Variants in ABCC8 observed in about 807,000 individuals in gnomAD.
The protein encoded by ABCC8 is ATP-binding cassette sub-family C member 8.
ABCC8 carries 137 observed loss-of-function variants against 188.0 expected under a neutral mutation model. That is an observed-to-expected ratio of 0.73 (90% CI 0.63 to 0.84). The LOEUF is 0.84. ABCC8 is among the 40% of genes least tolerant of loss of function. The pLI is 0.00. For synonymous variants in ABCC8, 797 were observed against 846.5 expected, an observed-to-expected ratio of 0.94 and a Z score of 1.01; for missense variants, 1,750 against 2,072.7, an observed-to-expected ratio of 0.84 and a Z score of 3.02.
intron 14 of ABCC8, 149 bp from the exon 15 acceptor site, chr11:17,428,091 G>C (rs1242604002): frequency 3.8e-6 from 6 of 1,579,364 alleles, no homozygotes; most frequent in Non-Finnish European, 5.2e-6. Context: ...TGGGAGACTG[G>C]CCTTCTCATG....
chr11:17,475,178 C>G (rs958086549), intron 1 of ABCC8, 151 bp from the exon 2 acceptor site: 1 of 1,185,262 alleles, frequency 8.4e-7, no homozygotes, highest in Non-Finnish European at 1.2e-6. Context: ...ACAAACTAAA[C>G]GTCCAACTCA....
At chr11:17,399,592 T>C (rs963623417) in intron 29 of ABCC8, among the ~76,000 whole-genome samples, 2 of 152,192 alleles carry the variant, frequency 1.3e-5, no homozygotes, top group African/African-American at 4.8e-5. Context: ...GCTACTACCT[T>C]ACTATAAAGT....
chr11:17,463,514 C>A lies in ABCC8; in HGVS notation c.503G>T (p.Arg168Leu), dbSNP rs1002070797. The A allele has an allele frequency of 1.2e-6, 2 of 1,600,896 alleles. No homozygotes were observed. The highest frequency in any genetic ancestry group is 8.5e-7 in the Non-Finnish European group (1 of 1,174,124). ...LDHAIGFSQLRFCLTGLLVIL... is the reference protein window; with the variant it reads ...LDHAIGFSQLLFCLTGLLVIL... ...CACCAGCAGCCCTGTGAGGCAGAAG[C>A]GTAGCTGCGAGAAGCCGATGGCGTG... The change falls in exon 4 of 39, where the codon CGC (arginine) becomes CTC (leucine). Residue 168 changes from arginine to leucine, a missense_variant. By Grantham distance (102) the Arg-to-Leu change is moderately radical (BLOSUM62 -2). Coordinates refer to ENST00000389817, the MANE Select transcript of ABCC8 (RefSeq NM_000352.6).
intron 3 of ABCC8, among the ~76,000 whole-genome samples, chr11:17,468,206 TC>T (rs1848277242): frequency 6.6e-6 from 1 of 152,148 alleles, no homozygotes. Flanking sequence ...GATCCCACCT[TC>T]TACAGAAAGG....
At position 17,427,054 on chromosome 11, in the gene ABCC8, C is replaced by A. The variant is rs1331539684; in HGVS notation, c.2217G>T (p.Trp739Cys). The part of the protein sequence containing the change: ...EMQKVSGAVF[W>C]SSLPDSEIGE... ...CCTGAGGATACATGTATTACCTGCT[C>A]CAGAAGACAGCCCCTGAGACCTTCT... Residue 739 changes from tryptophan to cysteine, a missense_variant, in exon 16 of 39, where the codon TGG becomes TGT. Physicochemically the swap from Trp to Cys is radical, Grantham distance 215. Transcript: ENST00000389817. This position sits in a 1 kb window ranked among gnomAD's most constrained non-coding sequence, Gnocchi z 5.0. The A allele has an allele frequency of 2.6e-5, 42 of 1,613,754 alleles. No individual in the cohort carries two copies. The highest frequency in any genetic ancestry group is 3.4e-5 in the Non-Finnish European group (40 of 1,179,918).
intron 10 of ABCC8, among the ~76,000 whole-genome samples, chr11:17,441,147 T>A (rs1186906795): frequency 2.0e-5 from 3 of 151,966 alleles, no homozygotes; most frequent in Admixed American, 2.0e-4. Context: ...CTAATTCTAC[T>A]CCTTTCAGAG....
At chr11:17,407,998 C>T (rs1259093250) in intron 23 of ABCC8, among the ~76,000 whole-genome samples, 1 of 152,156 alleles carries the variant, frequency 6.6e-6, no homozygotes, top group Non-Finnish European at 1.5e-5. Flanking sequence ...ATGGGAGAAA[C>T]AGATTTCTGA....
intron 4 of ABCC8, among the ~76,000 whole-genome samples, chr11:17,463,124 CGAAGAAAGAAAGTAG>C (rs1451626259): frequency 1.3e-5 from 2 of 152,060 alleles, no homozygotes; most frequent in Non-Finnish European, 2.9e-5. Context: ...CCCCCACCCC[CGAAGAAAGAAAGTAG>C]GAGAGGCCAG....
intron 12 of ABCC8, chr11:17,430,420 G>A (rs1955791319): frequency 5.7e-6 from 2 of 347,924 alleles, no homozygotes; most frequent in South Asian, 4.7e-5. Context: ...TAGACACAGT[G>A]GATGCCTTCT....
At chr11:17,461,252 G>A (rs1243226683) in intron 5 of ABCC8, 1 of 424,190 alleles carries the variant, frequency 2.4e-6, no homozygotes, top group Non-Finnish European at 4.4e-6. Flanking sequence ...AACCTTTATA[G>A]TCAGTAAGCT....
chr11:17,471,849 T>C (rs1339755035), intron 2 of ABCC8, among the ~76,000 whole-genome samples: 2 of 152,236 alleles, frequency 1.3e-5, no homozygotes, highest in African/African-American at 4.8e-5. Flanking sequence ...CATTTCTTTT[T>C]TAATGAAATG....
intron 7 of ABCC8, among the ~76,000 whole-genome samples, chr11:17,451,163 A>T (rs1956801209): frequency 6.6e-6 from 1 of 152,160 alleles, no homozygotes; most frequent in African/African-American, 2.4e-5. Flanking sequence ...TGACATACAC[A>T]CATTAGTATA....
intron 33 of ABCC8, 48 bp downstream of exon 33, chr11:17,396,868 C>T (rs369232720): frequency 1.2e-6 from 2 of 1,608,746 alleles, no homozygotes; most frequent in Non-Finnish European, 1.7e-6. Context: ...ATGCCCCATC[C>T]CCTGCTCACG....
intron 8 of ABCC8, among the ~76,000 whole-genome samples, chr11:17,444,860 A>T (rs185508241): frequency 6.6e-6 from 1 of 152,190 alleles, no homozygotes; most frequent in Non-Finnish European, 1.5e-5. Flanking sequence ...AATGGTGATT[A>T]TAATGCCCAC....
intron 38 of ABCC8, 62 bp downstream of exon 38, chr11:17,393,635 G>A (rs539533237): frequency 1.1e-5 from 17 of 1,609,750 alleles, no homozygotes; most frequent in South Asian, 4.4e-5. Flanking sequence ...CACTGATGAC[G>A]GCCACAACAG....
At chr11:17,397,905 C>T (rs1049832143) in intron 30 of ABCC8, 108 bp from the exon 31 acceptor site, 2 of 1,532,928 alleles carry the variant, frequency 1.3e-6, no homozygotes, top group African/African-American at 1.4e-5. Flanking sequence ...GGCCTCCACT[C>T]CAGCCCTGCA....
At chr11:17,410,806 T>C (rs1056737097) in intron 21 of ABCC8, 153 bp from the exon 22 acceptor site, 2 of 777,336 alleles carry the variant, frequency 2.6e-6, no homozygotes, top group African/African-American at 3.8e-5. Flanking sequence ...ACCCAACCTC[T>C]CTGGGCCTTG....
intron 16 of ABCC8, among the ~76,000 whole-genome samples, chr11:17,418,771 T>C (rs996952478): frequency 6.6e-6 from 1 of 152,218 alleles, no homozygotes; most frequent in African/African-American, 2.4e-5. Context: ...CCCGTGTAAT[T>C]TGTTCATCCC....
At chr11:17,434,042 G>A (rs1214259246) in intron 10 of ABCC8, among the ~76,000 whole-genome samples, 10 of 152,166 alleles carry the variant, frequency 6.6e-5, no homozygotes, top group Admixed American at 6.5e-4. Flanking sequence ...AGGAGGAGAG[G>A]GAGGAGGATG....
Sources: allele counts gnomAD v4.1 joint callset (sites outside exome capture counted in the v4.1 genomes callset), GRCh38; gene constraint gnomAD v4.1.1; non-coding constraint Gnocchi (gnomAD v3.1); transcripts MANE v1.5; gene names NCBI Gene and HGNC (gene_info 2026-07-23, HGNC 2026-07-21).